Variants in DUSP16 observed in about 807,000 individuals in gnomAD.
The protein encoded by DUSP16 is dual specificity phosphatase 16.
Under a neutral mutation model 58.3 loss-of-function variants are expected in DUSP16, and 21 were observed. That is an observed-to-expected ratio of 0.36 (90% CI 0.26 to 0.52). The LOEUF (loss-of-function observed/expected upper bound fraction) is 0.52. Ranked by LOEUF, DUSP16 falls within the 20% of genes least tolerant of loss-of-function variation. DUSP16 has a pLI of 0.94. For synonymous variants in DUSP16, 320 were observed against 323.8 expected (o/e 0.99, Z 0.12); for missense variants, 726 against 819.0 (o/e 0.89, Z 1.39).
intron 4 of DUSP16, among the ~76,000 whole-genome samples, chr12:12,494,812 T>C (rs1274603108): frequency 6.6e-6 from 1 of 152,190 alleles, no homozygotes; most frequent in African/African-American, 2.4e-5. Context: ...TAAAGAGTTT[T>C]ACTGCCAAGC....
chr12:12,502,760 A>G (rs1943928414), intron 3 of DUSP16, among the ~76,000 whole-genome samples: 1 of 152,126 alleles, frequency 6.6e-6, no homozygotes, highest in African/African-American at 2.4e-5. Flanking sequence ...CATGTTGGTC[A>G]GGCTGATCTG....
In DUSP16 at chr12:12,516,560, CTG is replaced by C. The variant is rs377177167; in HGVS notation, c.367+3300_367+3301del. 4.3e-4 allele frequency among the ~76,000 whole-genome samples: 66 copies of C among 152,366 alleles called. 1 individual carries two copies. The highest frequency in any genetic ancestry group is 1.5e-3 in the African/African-American group (64 of 41,588). On this transcript the variant is annotated intron_variant, in intron 3 of 6. Coordinates refer to ENST00000298573, the MANE Select transcript of DUSP16 (RefSeq NM_030640.3). ...ATTTAAGGACCACAGAAAATTAGCA[CTG>C]TTTCACTACAGCAGCATTTTCATCA...
chr12:12,482,986 T>A (rs533938773), intron 5 of DUSP16, among the ~76,000 whole-genome samples: 23 of 152,176 alleles, frequency 1.5e-4, no homozygotes, highest in Non-Finnish European at 2.9e-4. Context: ...GTGCTGTGAT[T>A]GATTACACAC....
chr12:12,485,823 T>C (rs1943672885), intron 5 of DUSP16, among the ~76,000 whole-genome samples: 1 of 123,616 alleles, frequency 8.1e-6, no homozygotes, highest in Admixed American at 8.6e-5. Flanking sequence ...AGACAGAGTC[T>C]CACTCTGCTG....
chr12:12,562,664 C>T lies in DUSP16; in HGVS notation c.-913G>A, dbSNP rs1944925712. 6.6e-6 allele frequency among the ~76,000 whole-genome samples: 1 copy of T among 151,994 alleles called. No homozygotes were observed. The highest frequency in any genetic ancestry group is 2.4e-5 in the African/African-American group (1 of 41,426). Reference sequence around the variant, plus strand: ...GTTTAAAAATAAAGAGATGGCGTCACTTGAAACCAATCCCAGTGAATGAAC... The same window carrying T: ...GTTTAAAAATAAAGAGATGGCGTCATTTGAAACCAATCCCAGTGAATGAAC... On this transcript the variant is annotated 5_prime_UTR_variant, in exon 1 of 7. In the 5' UTR this introduces an upstream ATG that the reference lacks. Coordinates refer to ENST00000298573, the MANE Select transcript of DUSP16 (RefSeq NM_030640.3).
At chr12:12,555,060 T>C (rs1245880654) in intron 1 of DUSP16, among the ~76,000 whole-genome samples, 1 of 152,112 alleles carries the variant, frequency 6.6e-6, no homozygotes, top group Non-Finnish European at 1.5e-5. Flanking sequence ...CACTACAAAA[T>C]AAGCCAGCAT....
At chr12:12,557,497 TA>T (rs929223568) in intron 1 of DUSP16, among the ~76,000 whole-genome samples, 7 of 151,676 alleles carry the variant, frequency 4.6e-5, no homozygotes, top group African/African-American at 1.2e-4. Flanking sequence ...TGCTTTGACC[TA>T]AAAAAAAGTC....
At chr12:12,502,826 G>A (rs999506750) in intron 3 of DUSP16, among the ~76,000 whole-genome samples, 9 of 151,866 alleles carry the variant, frequency 5.9e-5, no homozygotes, top group African/African-American at 1.2e-4. Flanking sequence ...ATTTCTTACC[G>A]TTTCCAATGA....
At chr12:12,553,330 T>C (rs1944759734) in intron 1 of DUSP16, among the ~76,000 whole-genome samples, 1 of 152,194 alleles carries the variant, frequency 6.6e-6, no homozygotes, top group African/African-American at 2.4e-5. Context: ...TCAGAAGATC[T>C]TGGCTCCAAT....
intron 1 of DUSP16, among the ~76,000 whole-genome samples, chr12:12,545,156 ATT>A (rs765530844): frequency 1.3e-5 from 2 of 152,142 alleles, no homozygotes; most frequent in African/African-American, 2.4e-5. Flanking sequence ...AGCATTTGAT[ATT>A]TTTTGATGCT....
chr12:12,496,592 C>G (rs1184305509), intron 4 of DUSP16, among the ~76,000 whole-genome samples: 8 of 152,174 alleles, frequency 5.3e-5, no homozygotes, highest in South Asian at 2.1e-4. Context: ...TAACTACTCC[C>G]AATAGGTAAG....
intron 1 of DUSP16, among the ~76,000 whole-genome samples, chr12:12,528,570 T>C (rs925913055): frequency 1.3e-5 from 2 of 152,198 alleles, no homozygotes; most frequent in Admixed American, 6.5e-5. Flanking sequence ...ATCACTATAA[T>C]TCATCAGGCC....
chr12:12,511,881 C>A (rs987357493), intron 3 of DUSP16, among the ~76,000 whole-genome samples: 2 of 152,044 alleles, frequency 1.3e-5, no homozygotes, highest in Admixed American at 6.6e-5. Context: ...CTAGACTACA[C>A]AGCTGCCCCA....
chr12:12,536,012 CA>C (rs1429557269), intron 1 of DUSP16, among the ~76,000 whole-genome samples: 1 of 152,302 alleles, frequency 6.6e-6, no homozygotes, highest in East Asian at 1.9e-4. Flanking sequence ...ATGAAAATAA[CA>C]TAAGAACACT....
In DUSP16 at chr12:12,477,795, T is replaced by C; in HGVS notation, c.1036A>G (p.Thr346Ala). The C allele has an allele frequency of 6.2e-7, 1 of 1,613,928 alleles. No individual in the cohort carries two copies. The highest frequency in any genetic ancestry group is 8.5e-7 in the Non-Finnish European group (1 of 1,179,978). ...GGCCTTTGTCCTGCTGCCTCTGAGG[T>C]AGCAGAGTCGGCACAGGGTGGACTG... ...PLSPPCADSA[T>A]SEAAGQRPVH... The change falls in exon 7 of 7, where the codon ACC becomes GCC. Residue 346 changes from threonine (T) to alanine (A), a missense_variant. Physicochemically the swap from Thr to Ala is moderately conservative, Grantham distance 58. Transcript: ENST00000298573. This position sits in a 1 kb window ranked among gnomAD's most constrained non-coding sequence, Gnocchi z 4.1.
At chr12:12,523,099 G>A (rs1944258549) in intron 1 of DUSP16, among the ~76,000 whole-genome samples, 1 of 152,172 alleles carries the variant, frequency 6.6e-6, no homozygotes. Flanking sequence ...CTAAAGCATG[G>A]AGACAGAAGG....
At chr12:12,502,933 G>A (rs1352530046) in intron 3 of DUSP16, among the ~76,000 whole-genome samples, 1 of 152,076 alleles carries the variant, frequency 6.6e-6, no homozygotes, top group Non-Finnish European at 1.5e-5. Context: ...GCATGCACAC[G>A]TAGAAGCCAC....
intron 1 of DUSP16, among the ~76,000 whole-genome samples, chr12:12,540,590 A>G (rs1488652058): frequency 6.6e-6 from 1 of 152,230 alleles, no homozygotes; most frequent in Admixed American, 6.5e-5. Flanking sequence ...AGATATCTAT[A>G]AGGCTCCGTG....
chr12:12,496,270 G>A (rs1025628770), intron 4 of DUSP16, among the ~76,000 whole-genome samples: 1 of 152,158 alleles, frequency 6.6e-6, no homozygotes, highest in Non-Finnish European at 1.5e-5. Flanking sequence ...ATTTTGACAC[G>A]CTTTTGTGTT....
Sources: allele counts gnomAD v4.1 joint callset (sites outside exome capture counted in the v4.1 genomes callset), GRCh38; gene constraint gnomAD v4.1.1; non-coding constraint Gnocchi (gnomAD v3.1); transcripts MANE v1.5; gene names NCBI Gene and HGNC (gene_info 2026-07-23, HGNC 2026-07-21).